ESRRG: variants seen among roughly 807,000 people sequenced by gnomAD.
The protein encoded by ESRRG is estrogen-related receptor gamma.
ESRRG carries 13 observed loss-of-function variants against 44.0 expected under a neutral mutation model. That is an observed-to-expected ratio of 0.30 (90% CI 0.19 to 0.47). The LOEUF (loss-of-function observed/expected upper bound fraction) is 0.47, where lower values mean the gene tolerates loss of function less well. Among genes scored for constraint, ESRRG ranks in the 20% least tolerant of loss-of-function variants. ESRRG has a pLI of 1.00. For synonymous variants in ESRRG, 215 were observed against 214.6 expected, an observed-to-expected ratio of 1.00 and a Z score of -0.02; for missense variants, 395 against 580.6, an observed-to-expected ratio of 0.68 and a Z score of 3.29.
At chr1:216,834,746 C>G (rs1291132849) in intron 2 of ESRRG, among the ~76,000 whole-genome samples, 1 of 152,066 alleles carries the variant, frequency 6.6e-6, no homozygotes, top group Non-Finnish European at 1.5e-5. Context: ...AGAATGACAA[C>G]AACAGATGCT....
At chr1:216,746,624 T>C (rs898086881) in intron 2 of ESRRG, among the ~76,000 whole-genome samples, 2 of 152,182 alleles carry the variant, frequency 1.3e-5, no homozygotes, top group African/African-American at 4.8e-5. Context: ...AGGTATCACT[T>C]GGAACGTCAT....
At chr1:217,016,270 A>G (rs558986268) in intron 1 of ESRRG, among the ~76,000 whole-genome samples, 1 of 152,222 alleles carries the variant, frequency 6.6e-6, no homozygotes, top group South Asian at 2.1e-4. Context: ...AATAAAGCCA[A>G]GTGCCATTTC....
chr1:216,804,204 A>C (rs1423631040), intron 2 of ESRRG, among the ~76,000 whole-genome samples: 4 of 152,158 alleles, frequency 2.6e-5, no homozygotes, highest in Non-Finnish European at 5.9e-5. Context: ...AACTCTGTTT[A>C]GGTAGCAATG....
At chr1:217,074,887 A>G (rs1031266373) in intron 1 of ESRRG, among the ~76,000 whole-genome samples, 2 of 152,208 alleles carry the variant, frequency 1.3e-5, no homozygotes, top group Admixed American at 6.5e-5. Context: ...GGACCAAACA[A>G]TGGTGTGAAT....
chr1:216,941,934 T>C (rs2065289787), intron 1 of ESRRG, among the ~76,000 whole-genome samples: 1 of 152,150 alleles, frequency 6.6e-6, no homozygotes, highest in South Asian at 2.1e-4. Flanking sequence ...CAATTTTAGA[T>C]TCAGGGGGTG....
chr1:216,755,311 T>C (rs1232715709), intron 2 of ESRRG, among the ~76,000 whole-genome samples: 1 of 151,968 alleles, frequency 6.6e-6, no homozygotes, highest in Non-Finnish European at 1.5e-5. Context: ...AAAAATTAAT[T>C]TGTGAATTTC....
At chr1:216,767,654 G>A (rs1400654085) in intron 2 of ESRRG, among the ~76,000 whole-genome samples, 1 of 152,130 alleles carries the variant, frequency 6.6e-6, no homozygotes, top group Non-Finnish European at 1.5e-5. Context: ...GCAGTCACAT[G>A]CCTGTGGCTA....
intron 2 of ESRRG, among the ~76,000 whole-genome samples, chr1:216,928,213 A>T (rs922167260): frequency 3.9e-5 from 6 of 151,946 alleles, no homozygotes; most frequent in Middle Eastern, 6.8e-3. Flanking sequence ...GAATTGATTG[A>T]CTCTTCCTTC....
chr1:216,918,368 C>T (rs961825106), intron 2 of ESRRG, among the ~76,000 whole-genome samples: 4 of 152,146 alleles, frequency 2.6e-5, no homozygotes, highest in African/African-American at 9.7e-5. Context: ...ACCTTGCTGT[C>T]TCGGTCATCT....
intron 2 of ESRRG, among the ~76,000 whole-genome samples, chr1:216,837,272 G>C (rs533084789): frequency 1.3e-5 from 2 of 151,928 alleles, no homozygotes; most frequent in African/African-American, 4.8e-5. Flanking sequence ...TTAGCCAGGC[G>C]TGGTGGTGAG....
At chr1:216,773,469 G>A (rs1179497378) in intron 2 of ESRRG, among the ~76,000 whole-genome samples, 1 of 152,124 alleles carries the variant, frequency 6.6e-6, no homozygotes, top group Admixed American at 6.6e-5. Flanking sequence ...ACACCTTTGG[G>A]ATCTTCCCAC....
chr1:216,992,005 T>C (rs2075787031), intron 1 of ESRRG, among the ~76,000 whole-genome samples: 1 of 152,192 alleles, frequency 6.6e-6, no homozygotes, highest in Non-Finnish European at 1.5e-5. Context: ...CAGTGTGTGA[T>C]ACGCTGCTTT....
At chr1:216,907,398 T>C (rs898961597) in intron 2 of ESRRG, among the ~76,000 whole-genome samples, 1 of 152,200 alleles carries the variant, frequency 6.6e-6, no homozygotes, top group Non-Finnish European at 1.5e-5. Flanking sequence ...TTTATCAACC[T>C]GCACAGCATT....
chr1:216,759,247 A>C (rs1454904991), intron 2 of ESRRG, among the ~76,000 whole-genome samples: 1 of 152,148 alleles, frequency 6.6e-6, no homozygotes, highest in East Asian at 1.9e-4. Context: ...TAGCAGCAGA[A>C]GCCTGCCTGT....
intron 1 of ESRRG, among the ~76,000 whole-genome samples, chr1:217,022,735 T>G (rs1413871782): frequency 6.6e-6 from 1 of 152,128 alleles, no homozygotes; most frequent in Non-Finnish European, 1.5e-5. Context: ...CAATGTACAC[T>G]TTGTTTTGTT....
At chr1:217,024,762 G>A (rs947323405) in intron 1 of ESRRG, among the ~76,000 whole-genome samples, 1 of 152,102 alleles carries the variant, frequency 6.6e-6, no homozygotes, top group African/African-American at 2.4e-5. Flanking sequence ...ACTATTCTGA[G>A]AGCTTTAATA....
chr1:216,989,966 G>A (rs929901317), intron 1 of ESRRG, among the ~76,000 whole-genome samples: 2 of 152,124 alleles, frequency 1.3e-5, no homozygotes, highest in Non-Finnish European at 2.9e-5. Flanking sequence ...GATAACCTGA[G>A]CTTTTTATAA....
At chr1:217,074,048 C>CTTTT (rs1181569293) in intron 1 of ESRRG, among the ~76,000 whole-genome samples, 1 of 134,402 alleles carries the variant, frequency 7.4e-6, no homozygotes, top group Admixed American at 7.5e-5. Flanking sequence ...ATTATGAATG[C>CTTTT]TTTTTTTTTT....
At chr1:216,941,997 C>G (rs2065306166) in intron 1 of ESRRG, among the ~76,000 whole-genome samples, 1 of 152,242 alleles carries the variant, frequency 6.6e-6, no homozygotes, top group South Asian at 2.1e-4. Flanking sequence ...ATTTGGGCTT[C>G]TACTGATCCT....
Sources: gnomAD v4.1 joint callset for allele counts (sites outside exome capture counted in the v4.1 genomes callset) on GRCh38, gnomAD v4.1.1 for gene constraint, MANE v1.5 for transcripts, NCBI Gene and HGNC (gene_info 2026-07-23, HGNC 2026-07-21) for gene names.